Variants in WDR37 observed in about 807,000 individuals in gnomAD.
WDR37 encodes WD repeat domain 37.
WDR37 carries 19 observed loss-of-function variants against 62.9 expected under a neutral mutation model. The ratio of observed to expected loss-of-function variants is 0.30; its 90% CI spans 0.21 to 0.44. The LOEUF is 0.44. Ranked by LOEUF, WDR37 falls within the 20% of genes least tolerant of loss-of-function variation. The pLI, the probability that WDR37 is intolerant of heterozygous loss-of-function variation, is 1.00. For synonymous variants in WDR37, 250 were observed against 260.9 expected, an observed-to-expected ratio of 0.96 and a Z score of 0.40; for missense variants, 474 against 657.6, an observed-to-expected ratio of 0.72 and a Z score of 3.05.
intron 2 of WDR37, among the ~76,000 whole-genome samples, chr10:1,073,705 G>A (rs1021546479): frequency 2.0e-5 from 3 of 152,186 alleles, no homozygotes; most frequent in African/African-American, 7.2e-5. Context: ...AGATCAAGGT[G>A]TGAGCAGGGC....
Position 1,126,034 on chromosome 10 carries a change from C to G in WDR37, c.1353+1010C>G, listed in dbSNP as rs536076333. Among the ~76,000 whole-genome samples, 11 of 152,270 alleles carry G rather than the reference C, an allele frequency of 7.2e-5. No homozygotes were observed. The East Asian group carries it at 2.1e-3, about 30-fold the overall frequency. On this transcript the variant is annotated intron_variant, in intron 13 of 13. Transcript: ENST00000263150. ...GCTCTGCTGTGCTCTGCAGCCGGGC[C>G]TCACTATAATGTGGGTGGCGTTTGC...
intron 11 of WDR37, among the ~76,000 whole-genome samples, chr10:1,118,030 G>A (rs1165335875): frequency 3.2e-3 from 205 of 64,042 alleles, no homozygotes; most frequent in Middle Eastern, 0.016. Flanking sequence ...CATCTGAGCC[G>A]TGTGCACTCA....
intron 13 of WDR37, among the ~76,000 whole-genome samples, chr10:1,126,325 G>A (rs535889822): frequency 0.025 from 3,698 of 150,706 alleles, 166 homozygotes; most frequent in African/African-American, 0.087. Context: ...AGAATGGCGT[G>A]AACCCAGGAG....
chr10:1,088,802 C>G (rs890414641), intron 7 of WDR37, among the ~76,000 whole-genome samples: 1 of 152,014 alleles, frequency 6.6e-6, no homozygotes, highest in Non-Finnish European at 1.5e-5. Context: ...ATTAGGTGTT[C>G]AACGCAGGGT....
intron 1 of WDR37, among the ~76,000 whole-genome samples, chr10:1,059,382 G>A (rs72760934): frequency 0.061 from 9,297 of 152,002 alleles, 497 homozygotes; most frequent in African/African-American, 0.15. Flanking sequence ...GTGTCAAAAA[G>A]AAAAGAATTT....
At chr10:1,115,030 G>GT (rs199799863) in intron 11 of WDR37, among the ~76,000 whole-genome samples, 22,385 of 142,384 alleles carry the variant, frequency 0.16, 1,780 homozygotes, top group Middle Eastern at 0.24. Context: ...TCCCTTTTTT[G>GT]TTTTTTTTTT....
At chr10:1,126,351 A>T (rs1397738414) in intron 13 of WDR37, among the ~76,000 whole-genome samples, 2 of 149,486 alleles carry the variant, frequency 1.3e-5, no homozygotes, top group East Asian at 2.0e-4. Context: ...GCTTGCAGTG[A>T]GCTGAGATCG....
chr10:1,099,791 C>G (rs1258106663), intron 9 of WDR37, among the ~76,000 whole-genome samples: 3 of 146,902 alleles, frequency 2.0e-5, no homozygotes, highest in East Asian at 2.0e-4. Context: ...AGCATTGATG[C>G]TTAGGAAATT....
chr10:1,091,524 A>G (rs1834387524), intron 7 of WDR37, among the ~76,000 whole-genome samples: 1 of 152,210 alleles, frequency 6.6e-6, no homozygotes, highest in South Asian at 2.1e-4. Flanking sequence ...TAAGGAGATA[A>G]CCTATTCAGA....
rs1834889207 is a variant in WDR37, at chr10:1,103,386, GA to G, written c.727-215del. On this transcript the variant is annotated intron_variant, in intron 9 of 13. Coordinates refer to ENST00000263150, the MANE Select transcript of WDR37 (RefSeq NM_014023.4). This position sits in a 1 kb window ranked among gnomAD's most constrained non-coding sequence, Gnocchi z 6.3. Reference sequence around the variant, plus strand: ...GGATTCCACTTTTTTTTCTGTACGAGATGGTCGTAGAGTTGATGGGTGTTCA... The same window carrying G: ...GGATTCCACTTTTTTTTCTGTACGAGTGGTCGTAGAGTTGATGGGTGTTCA... Among the ~76,000 whole-genome samples the G allele has an allele frequency of 6.6e-6, 1 of 152,098 alleles. No homozygotes were observed. The highest frequency in any genetic ancestry group is 2.4e-5 in the African/African-American group (1 of 41,422).
chr10:1,128,014 T>C (rs1255167368), intron 13 of WDR37, among the ~76,000 whole-genome samples: 1 of 152,232 alleles, frequency 6.6e-6, no homozygotes, highest in Non-Finnish European at 1.5e-5. Context: ...TTGCCTCCAG[T>C]TAGTGGATGC....
At chr10:1,092,457 C>A (rs897342325) in intron 7 of WDR37, among the ~76,000 whole-genome samples, 1 of 151,448 alleles carries the variant, frequency 6.6e-6, no homozygotes, top group Non-Finnish European at 1.5e-5. Context: ...GCAAGCTCTG[C>A]CCCCCTGGGT....
intron 11 of WDR37, among the ~76,000 whole-genome samples, chr10:1,116,849 A>G (rs1330187017): frequency 6.6e-6 from 1 of 151,824 alleles, no homozygotes; most frequent in Admixed American, 6.5e-5. Context: ...AGGAGACGTT[A>G]GCAGATACAG....
chr10:1,070,350 T>G (rs924893497), intron 1 of WDR37, among the ~76,000 whole-genome samples: 2 of 152,318 alleles, frequency 1.3e-5, no homozygotes, highest in East Asian at 3.9e-4. Context: ...TCTAACATTT[T>G]TGGGTTATGC....
intron 12 of WDR37, 51 bp downstream of exon 12, chr10:1,124,403 T>C (rs1835675877): frequency 6.2e-7 from 1 of 1,607,250 alleles, no homozygotes; most frequent in African/African-American, 1.3e-5. Flanking sequence ...TGTGAAAGGA[T>C]TGATTGTGAT....
At chr10:1,083,873 C>T (rs188136214) in intron 5 of WDR37, among the ~76,000 whole-genome samples, 3 of 152,330 alleles carry the variant, frequency 2.0e-5, no homozygotes, top group South Asian at 4.1e-4. Flanking sequence ...CTATTAGTGT[C>T]GTCTTTTGAT....
chr10:1,077,219 A>C (rs1428555191), intron 2 of WDR37, among the ~76,000 whole-genome samples: 2 of 152,146 alleles, frequency 1.3e-5, no homozygotes, highest in Non-Finnish European at 2.9e-5. Context: ...TTTGGTGCTC[A>C]GGACCTGCTT....
intron 5 of WDR37, among the ~76,000 whole-genome samples, chr10:1,081,478 A>G (rs1227577182): frequency 6.6e-6 from 1 of 152,212 alleles, no homozygotes; most frequent in Non-Finnish European, 1.5e-5. Flanking sequence ...CATGACATCT[A>G]TAGTAAGATT....
chr10:1,129,377 C>T lies in WDR37; in HGVS notation c.*33C>T, dbSNP rs776469831. ...GGCAGCCCTTAGTTTCACTGTTTGCCAGCACAGACCTTTGATGGGTGCAGG... is the reference window on the plus strand; with the variant it reads ...GGCAGCCCTTAGTTTCACTGTTTGCTAGCACAGACCTTTGATGGGTGCAGG... On this transcript the variant is annotated 3_prime_UTR_variant, in exon 14 of 14. Coordinates refer to ENST00000263150, the MANE Select transcript of WDR37 (RefSeq NM_014023.4). 3.7e-6 allele frequency: 6 copies of T among 1,613,114 alleles called. No individual in the cohort carries two copies. The highest frequency in any genetic ancestry group is 5.1e-6 in the Non-Finnish European group (6 of 1,179,286).
Sources: gnomAD v4.1 joint callset for allele counts (sites outside exome capture counted in the v4.1 genomes callset) on GRCh38, gnomAD v4.1.1 for gene constraint, Gnocchi (gnomAD v3.1) non-coding constraint, MANE v1.5 for transcripts, NCBI Gene and HGNC (gene_info 2026-07-23, HGNC 2026-07-21) for gene names.